Variants in SLC1A2 observed in about 807,000 individuals in gnomAD.
The protein encoded by SLC1A2 is excitatory amino acid transporter 2.
Under a neutral mutation model 48.8 loss-of-function variants are expected in SLC1A2, and 15 were observed. The observed-to-expected ratio is 0.31, with a 90% CI of 0.21 to 0.47. The LOEUF (loss-of-function observed/expected upper bound fraction) is 0.47. Among genes scored for constraint, SLC1A2 ranks in the 20% least tolerant of loss-of-function variants. SLC1A2 has a pLI of 0.99. For synonymous variants in SLC1A2, 279 were observed against 272.6 expected, an observed-to-expected ratio of 1.02 and a Z score of -0.23; for missense variants, 502 against 730.5, an observed-to-expected ratio of 0.69 and a Z score of 3.61.
chr11:35,260,619 C>T lies in SLC1A2; in HGVS notation c.*275G>A, dbSNP rs1483603042. ...GGGAGAAAAGGGAAGCTGGCAAGAA[C>T]GTGTCTTCAATTCCAACTGATTCCT... On this transcript the variant is annotated 3_prime_UTR_variant, in exon 11 of 11. Transcript: ENST00000278379. 13 of 404,494 alleles carry T rather than the reference C, an allele frequency of 3.2e-5. No homozygotes were observed. The highest frequency in any genetic ancestry group is 9.0e-5 in the South Asian group (3 of 33,368). The allele number at this position is 404,494 out of a possible 1,614,324, so 25.1% of individuals were successfully genotyped here. A position where few individuals can be genotyped will look rare whatever the true frequency, so the allele number is the denominator to read the frequency against.
At chr11:35,323,339 A>C (rs1852139262) in intron 1 of SLC1A2, 1 of 157,094 alleles carries the variant, frequency 6.4e-6, no homozygotes, top group African/African-American at 2.4e-5. Context: ...GAAAAGTATG[A>C]GGATAAAATG....
intron 4 of SLC1A2, among the ~76,000 whole-genome samples, chr11:35,311,207 C>G (rs1021687192): frequency 2.6e-5 from 4 of 151,944 alleles, no homozygotes; most frequent in Non-Finnish European, 5.9e-5. Flanking sequence ...ACTCCGTCTC[C>G]CAGGCTGGAG....
At chr11:35,323,940 T>C (rs987144598) in intron 1 of SLC1A2, among the ~76,000 whole-genome samples, 1 of 152,194 alleles carries the variant, frequency 6.6e-6, no homozygotes, top group Non-Finnish European at 1.5e-5. Flanking sequence ...GGCAGGTCAA[T>C]GCCTTGGGAA....
intron 7 of SLC1A2, among the ~76,000 whole-genome samples, chr11:35,289,896 A>G (rs1850942612): frequency 6.6e-6 from 1 of 152,236 alleles, no homozygotes; most frequent in Non-Finnish European, 1.5e-5. Flanking sequence ...ATACAAAAAG[A>G]GAGCTTGAAA....
rs1454878696 is a variant in SLC1A2 at position 35,341,051 on chromosome 11, G to A, written c.18-23535C>T. 3.9e-5 allele frequency among the ~76,000 whole-genome samples: 6 copies of A among 152,186 alleles called. 1 individual carries two copies. Among genetic ancestry groups the A allele is most frequent in the Admixed American group, 3.3e-4 (5 of 15,282 alleles). Reference sequence around the variant, plus strand: ...CATAAAACACAGATTGAGTACATTTGGTTGACAGCGGGGAAGGGACTTGTC... The same window carrying A: ...CATAAAACACAGATTGAGTACATTTAGTTGACAGCGGGGAAGGGACTTGTC... On this transcript the variant is annotated intron_variant, in intron 1 of 10. Coordinates refer to ENST00000278379, the MANE Select transcript of SLC1A2 (RefSeq NM_004171.4).
At chr11:35,350,752 C>T (rs1183692199) in intron 1 of SLC1A2, among the ~76,000 whole-genome samples, 1 of 152,176 alleles carries the variant, frequency 6.6e-6, no homozygotes, top group Non-Finnish European at 1.5e-5. Context: ...CCCATCAAGC[C>T]TGATTAGGAA....
At position 35,252,016 on chromosome 11, in the gene SLC1A2, C is replaced by T. The variant is rs1203067031; in HGVS notation, c.*8878G>A. On this transcript the variant is annotated 3_prime_UTR_variant, in exon 11 of 11. Transcript: ENST00000278379. ...CACACAGAACATATTAGGTAGAGAA[C>T]GTCATACTCCCTCATATATGTGGGA... The T allele has an allele frequency of 6.6e-6, 1 of 152,578 alleles. No individual in the cohort carries two copies. The highest frequency in any genetic ancestry group is 1.5e-5 in the Non-Finnish European group (1 of 68,034). The allele number at this position is 152,578 out of a possible 1,614,324, so 9.5% of individuals were successfully genotyped here. A position where few individuals can be genotyped will look rare whatever the true frequency, so the allele number is the denominator to read the frequency against.
intron 1 of SLC1A2, among the ~76,000 whole-genome samples, chr11:35,403,034 T>G (rs1442096966): frequency 6.6e-6 from 1 of 152,198 alleles, no homozygotes; most frequent in African/African-American, 2.4e-5. Context: ...GACTGATGGA[T>G]AACCCCATCT....
At chr11:35,323,977 G>A (rs1852157725) in intron 1 of SLC1A2, among the ~76,000 whole-genome samples, 1 of 152,204 alleles carries the variant, frequency 6.6e-6, no homozygotes, top group South Asian at 2.1e-4. Flanking sequence ...AACTGGCATT[G>A]GGACCAGCAA....
At chr11:35,395,267 T>A (rs1317614512) in intron 1 of SLC1A2, among the ~76,000 whole-genome samples, 4 of 152,080 alleles carry the variant, frequency 2.6e-5, no homozygotes, top group Non-Finnish European at 5.9e-5. Flanking sequence ...AGGAGTGTTT[T>A]TTTTTTTTCT....
At chr11:35,300,697 A>G (rs1430838104) in intron 6 of SLC1A2, among the ~76,000 whole-genome samples, 1 of 152,236 alleles carries the variant, frequency 6.6e-6, no homozygotes, top group Non-Finnish European at 1.5e-5. Flanking sequence ...ATGACTGTGT[A>G]AAAGAGACCC....
In SLC1A2 at chr11:35,284,109, AT is replaced by A. The variant is rs1404923412; in HGVS notation, c.1286+2647del. 1.8e-3 allele frequency among the ~76,000 whole-genome samples: 260 copies of A among 144,726 alleles called. 7 individuals are homozygous for A. Among genetic ancestry groups the A allele is most frequent in the African/African-American group, 6.3e-3 (248 of 39,620 alleles). 94.9% of individuals were successfully genotyped at this position (144,726 alleles called of 152,430 possible). On this transcript the variant is annotated intron_variant, in intron 8 of 10. Coordinates refer to ENST00000278379, the MANE Select transcript of SLC1A2 (RefSeq NM_004171.4). ...TTATTATATATATATATATATATAT[AT>A]AAATTATTATTTTGCAACCCAACAG...
At chr11:35,272,230 A>G (rs1274102037) in intron 9 of SLC1A2, among the ~76,000 whole-genome samples, 2 of 152,212 alleles carry the variant, frequency 1.3e-5, no homozygotes, top group Non-Finnish European at 2.9e-5. Flanking sequence ...GATAAAGGCC[A>G]TTTCCTTTGG....
intron 1 of SLC1A2, chr11:35,418,706 G>T: frequency 1.9e-6 from 1 of 533,404 alleles, no homozygotes; most frequent in Non-Finnish European, 3.3e-6. Flanking sequence ...GGCCCCCAGC[G>T]CACCTTACCC....
chr11:35,292,326 A>C lies in SLC1A2; in HGVS notation c.1052T>G (p.Ile351Ser), dbSNP rs767015413. The C allele has an allele frequency of 6.2e-7, 1 of 1,614,004 alleles. No individual in the cohort carries two copies. Among genetic ancestry groups the C allele is most frequent in the South Asian group, 1.1e-5 (1 of 91,082 alleles). ...CAGGGCAGTGATCCAAGCTTGGAAAATGCCAGCAAAAAAGGAGAAGGGGTT... is the reference window on the plus strand; with the variant it reads ...CAGGGCAGTGATCCAAGCTTGGAAACTGCCAGCAAAAAAGGAGAAGGGGTT... ...RKNPFSFFAG[I>S]FQAWITALGT... is the part of the protein sequence containing the mutation. Residue 351 changes from isoleucine (I) to serine (S), a missense_variant, in exon 7 of 11, where the codon ATT becomes AGT. By Grantham distance (142) the Ile-to-Ser change is moderately radical. Coordinates refer to ENST00000278379, the MANE Select transcript of SLC1A2 (RefSeq NM_004171.4).
Position 35,317,193 on chromosome 11 carries a change from G to A in SLC1A2, c.157+184C>T, listed in dbSNP as rs981285652. The A allele has an allele frequency of 2.3e-5, 13 of 572,282 alleles. No homozygotes were observed. The Admixed American group carries it at 3.3e-4, about 15-fold the overall frequency. 35.5% of individuals were successfully genotyped at this position (572,282 alleles called of 1,614,324 possible). A position where few individuals can be genotyped will look rare whatever the true frequency, so the allele number is the denominator to read the frequency against. ...TTAAGAACTACTAGAATCCAAAGGA[G>A]AATGAATGGCTAGAGGAGGTAAGGA... On this transcript the variant is annotated intron_variant, in intron 2 of 10. Transcript: ENST00000278379.
At chr11:35,378,569 C>G (rs887614572) in intron 1 of SLC1A2, among the ~76,000 whole-genome samples, 1 of 152,128 alleles carries the variant, frequency 6.6e-6, no homozygotes, top group Non-Finnish European at 1.5e-5. Flanking sequence ...AACTAAGAAC[C>G]ACCTAGTATA....
intron 1 of SLC1A2, among the ~76,000 whole-genome samples, chr11:35,402,111 C>A (rs759971490): frequency 1.3e-5 from 2 of 152,116 alleles, no homozygotes; most frequent in South Asian, 2.1e-4. Context: ...AATATTTGGT[C>A]TTTGTCCCAA....
intron 1 of SLC1A2, among the ~76,000 whole-genome samples, chr11:35,337,784 T>C (rs1442134438): frequency 6.6e-6 from 1 of 152,158 alleles, no homozygotes; most frequent in Non-Finnish European, 1.5e-5. Flanking sequence ...ATGTTTGAGT[T>C]GGATGCCTCT....
Sources: allele counts gnomAD v4.1 joint callset (sites outside exome capture counted in the v4.1 genomes callset), GRCh38; gene constraint gnomAD v4.1.1; transcripts MANE v1.5; gene names NCBI Gene and HGNC (gene_info 2026-07-23, HGNC 2026-07-21).